The following WDFY4 variants were observed in gnomAD, a reference collection of about 807,000 sequenced individuals.
The protein encoded by WDFY4 is WD repeat- and FYVE domain-containing protein 4.
In WDFY4, 169 loss-of-function variants were observed where a neutral mutation model predicts 351.9. That is an observed-to-expected ratio of 0.48 (90% confidence interval 0.42 to 0.55). The LOEUF is 0.55. Among genes scored for constraint, WDFY4 ranks in the 20% least tolerant of loss-of-function variants. The pLI, the probability that WDFY4 is intolerant of heterozygous loss-of-function variation, is 0.00. For missense variants in WDFY4, 3,803 were observed against 3,935.6 expected, an observed-to-expected ratio of 0.97 and a Z score of 0.90; for synonymous variants, 1,622 against 1,574.6, an observed-to-expected ratio of 1.03 and a Z score of -0.71.
intron 20 of WDFY4, among the ~76,000 whole-genome samples, chr10:48,788,114 G>C (rs951330219): frequency 6.6e-6 from 1 of 151,192 alleles, no homozygotes; most frequent in Non-Finnish European, 1.5e-5. Context: ...TGCAACCTCT[G>C]CCTCCCCGGT....
intron 1 of WDFY4, among the ~76,000 whole-genome samples, chr10:48,695,914 T>G (rs2063320244): frequency 6.6e-6 from 1 of 152,048 alleles, no homozygotes; most frequent in Admixed American, 6.6e-5. Context: ...TGTATTCCGT[T>G]GCTGTTGCAA....
chr10:48,913,050 T>C (rs567400394), intron 47 of WDFY4, among the ~76,000 whole-genome samples: 1 of 152,284 alleles, frequency 6.6e-6, no homozygotes, highest in African/African-American at 2.4e-5. Flanking sequence ...ATGCCAGTGA[T>C]AGTGAGTGTG....
intron 30 of WDFY4, among the ~76,000 whole-genome samples, chr10:48,812,939 C>A (rs2067507671): frequency 6.6e-6 from 1 of 152,188 alleles, no homozygotes; most frequent in African/African-American, 2.4e-5. Context: ...GGAGTGTCCT[C>A]CCTCAGCACT....
chr10:48,977,635 G>A (rs1263515484), intron 59 of WDFY4, among the ~76,000 whole-genome samples: 1 of 152,250 alleles, frequency 6.6e-6, no homozygotes, highest in Non-Finnish European at 1.5e-5. Context: ...GAGGAGCCTG[G>A]GGTGGCCGAG....
chr10:48,753,176 C>A (rs558130120), intron 12 of WDFY4, among the ~76,000 whole-genome samples: 1 of 152,108 alleles, frequency 6.6e-6, no homozygotes, highest in African/African-American at 2.4e-5. Context: ...TTGGGGGAAA[C>A]GTCTATTCAA....
intron 32 of WDFY4, 94 bp downstream of exon 32, chr10:48,817,503 A>C: frequency 1.4e-6 from 2 of 1,380,062 alleles, no homozygotes; most frequent in Non-Finnish European, 1.9e-6. Context: ...CCCCCCTAAA[A>C]TTAAAATACA....
Position 48,820,225 on chromosome 10 carries a change from G to T in WDFY4, c.5506-9G>T, listed in dbSNP as rs1417278146. 21 of 1,551,638 alleles carry T rather than the reference G, an allele frequency of 1.4e-5. No individual in the cohort carries two copies. Among genetic ancestry groups the T allele is most frequent in the Non-Finnish European group, 1.7e-5 (19 of 1,146,956 alleles). On this transcript the variant is annotated splice_polypyrimidine_tract_variant and intron_variant, in intron 32 of 61. Transcript: ENST00000325239. ...AGGCCACTCATGTTGGGGTTCTCTT[G>T]TCTTTGAGGGGGTTGGGGCTGAGTC...
chr10:48,973,512 A>T lies in WDFY4; in HGVS notation c.8929-1350A>T, dbSNP rs760727767. On this transcript the variant is annotated intron_variant, in intron 57 of 61. Transcript: ENST00000325239. ...CGCTTAGCCTCATTGACCCAAATGA[A>T]TGAGTGATTGTCTCTGCCCTGAGGG... Among the ~76,000 whole-genome samples, 3 of 152,254 alleles carry T rather than the reference A, an allele frequency of 2.0e-5. 1 individual carries two copies. The East Asian group carries it at 5.8e-4, about 29-fold the overall frequency.
chr10:48,787,996 C>CTCCTTA (rs2066545803), intron 20 of WDFY4, among the ~76,000 whole-genome samples: 1 of 137,278 alleles, frequency 7.3e-6, no homozygotes, highest in Non-Finnish European at 1.5e-5. Context: ...CCTTCTCCTT[C>CTCCTTA]TCCTTCTCCT....
At chr10:48,748,381 A>G (rs1234499438) in intron 12 of WDFY4, among the ~76,000 whole-genome samples, 1 of 152,236 alleles carries the variant, frequency 6.6e-6, no homozygotes, top group African/African-American at 2.4e-5. Context: ...TCACACATTT[A>G]GTAAATAATA....
chr10:48,963,574 T>A (rs188062933), intron 53 of WDFY4, among the ~76,000 whole-genome samples: 105 of 152,278 alleles, frequency 6.9e-4, no homozygotes, highest in Non-Finnish European at 1.1e-3. Flanking sequence ...ATAGATACTG[T>A]GGACACCATG....
chr10:48,721,406 T>G lies in WDFY4; in HGVS notation c.456+39T>G, dbSNP rs748670351. Reference sequence around the variant, plus strand: ...CATCAGCCTCTGCCCTGGGCACTGCTCATCTAGGTGCAGAGGGAGGTCCAG... The same window carrying G: ...CATCAGCCTCTGCCCTGGGCACTGCGCATCTAGGTGCAGAGGGAGGTCCAG... On this transcript the variant is annotated intron_variant, in intron 4 of 61. Transcript: ENST00000325239. The G allele has an allele frequency of 3.9e-6, 6 of 1,533,312 alleles. No individual in the cohort carries two copies. The South Asian group carries it at 7.2e-5, about 18-fold the overall frequency. 95.0% of individuals were successfully genotyped at this position (1,533,312 alleles called of 1,614,324 possible).
chr10:48,920,998 AAAG>A (rs1326973578), intron 47 of WDFY4, among the ~76,000 whole-genome samples: 2 of 152,218 alleles, frequency 1.3e-5, no homozygotes, highest in Non-Finnish European at 2.9e-5. Flanking sequence ...GTAAGAAAGC[AAAG>A]AAGATCTAAA....
chr10:48,959,901 C>T, intron 53 of WDFY4, 88 bp downstream of exon 53: 1 of 1,210,790 alleles, frequency 8.3e-7, no homozygotes, highest in South Asian at 1.4e-5. Context: ...AGTGGAGGGC[C>T]AGTGACCAGC....
intron 47 of WDFY4, among the ~76,000 whole-genome samples, chr10:48,932,774 T>C (rs1384105691): frequency 1.3e-5 from 2 of 151,476 alleles, no homozygotes; most frequent in Non-Finnish European, 2.9e-5. Context: ...GGCATATCGG[T>C]GGGGACGTTG....
chr10:48,743,728 C>T (rs561567643), intron 12 of WDFY4, among the ~76,000 whole-genome samples, 180 bp downstream of exon 12: 1 of 152,274 alleles, frequency 6.6e-6, no homozygotes, highest in Non-Finnish European at 1.5e-5. Flanking sequence ...ACCTTGGGAG[C>T]TGATGGAAAA....
chr10:48,935,172 C>T (rs1840276577), intron 47 of WDFY4: 1 of 152,308 alleles, frequency 6.6e-6, no homozygotes, highest in Admixed American at 6.5e-5. Context: ...CCGAGCAAAA[C>T]TTACCCTGCT....
chr10:48,776,803 G>A lies in WDFY4; in HGVS notation c.2917G>A (p.Ala973Thr), dbSNP rs886661333. 2 of 1,551,336 alleles carry A rather than the reference G, an allele frequency of 1.3e-6. No individual in the cohort carries two copies. Among genetic ancestry groups the A allele is most frequent in the East Asian group, 2.4e-5 (1 of 40,924 alleles). Residue 973 changes from alanine (A) to threonine (T), a missense_variant, in exon 16 of 62, where the codon GCT (alanine) becomes ACT (threonine). By Grantham distance (58) the Ala-to-Thr change is moderately conservative (BLOSUM62 0). Around this residue, in one of 3 missense-constraint regions of WDFY4, gnomAD observed 3,054 missense variants for 3,148.6 expected, o/e 0.97. Coordinates refer to ENST00000325239, the MANE Select transcript of WDFY4 (RefSeq NM_001394531.1). ...GGGGCCCTGGCCAGCTGCCCCAGAT[G>A]CTGGGCTGCACCCTGGAGTCACACA... The part of the protein sequence containing the change: ...AEGPWPAAPD[A>T]GLHPGVTQAP...
chr10:48,866,839 T>C (rs1011644310), intron 39 of WDFY4, among the ~76,000 whole-genome samples: 1 of 152,214 alleles, frequency 6.6e-6, no homozygotes, highest in Non-Finnish European at 1.5e-5. Context: ...ACAAATTCTG[T>C]AACCACTATT....
Sources: allele counts gnomAD v4.1 joint callset (sites outside exome capture counted in the v4.1 genomes callset), GRCh38; gene constraint gnomAD v4.1.1; regional missense constraint gnomAD v4.1.1; transcripts MANE v1.5; gene names NCBI Gene and HGNC (gene_info 2026-07-23, HGNC 2026-07-21).